NEGR1: variants seen among roughly 807,000 people sequenced by gnomAD.
The protein encoded by NEGR1 is IgLON family member 4.
NEGR1 carries 10 observed loss-of-function variants against 40.9 expected under a neutral mutation model. That is an observed-to-expected ratio of 0.24 (90% confidence interval 0.15 to 0.42). NEGR1 has a LOEUF of 0.42. Among genes scored for constraint, NEGR1 ranks in the 10% least tolerant of loss-of-function variants. The pLI is 1.00. For synonymous variants in NEGR1, 185 were observed against 166.8 expected, an observed-to-expected ratio of 1.11 and a Z score of -0.84; for missense variants, 352 against 438.9, an observed-to-expected ratio of 0.80 and a Z score of 1.77.
At chr1:72,155,748 C>A (rs1269028038) in intron 1 of NEGR1, among the ~76,000 whole-genome samples, 2 of 151,966 alleles carry the variant, frequency 1.3e-5, no homozygotes, top group African/African-American at 2.4e-5. Context: ...CTAAAATAAG[C>A]CTAGGTTTCC....
chr1:71,988,647 A>G (rs951218914), intron 1 of NEGR1, among the ~76,000 whole-genome samples: 1 of 151,648 alleles, frequency 6.6e-6, no homozygotes, highest in African/African-American at 2.4e-5. Context: ...GGAAGGAGGG[A>G]AAAAAACTGA....
At chr1:72,185,403 A>T (rs1451703613) in intron 1 of NEGR1, among the ~76,000 whole-genome samples, 2 of 151,920 alleles carry the variant, frequency 1.3e-5, no homozygotes, top group Non-Finnish European at 2.9e-5. Context: ...CTCTCCAAAC[A>T]ATCCATTAAA....
chr1:72,046,150 C>T (rs577055949), intron 1 of NEGR1, among the ~76,000 whole-genome samples: 33 of 151,668 alleles, frequency 2.2e-4, no homozygotes, highest in South Asian at 4.1e-4. Context: ...TTCATTTGTA[C>T]ATAGTCTTAG....
intron 6 of NEGR1, among the ~76,000 whole-genome samples, chr1:71,451,104 C>T (rs1646624566): frequency 1.3e-5 from 2 of 152,178 alleles, no homozygotes; most frequent in African/African-American, 4.8e-5. Context: ...ACCAGTGGGA[C>T]ATTTGGAAGA....
intron 1 of NEGR1, among the ~76,000 whole-genome samples, chr1:72,177,691 T>C (rs1652226001): frequency 6.6e-6 from 1 of 151,996 alleles, no homozygotes; most frequent in African/African-American, 2.4e-5. Flanking sequence ...GAATACATCT[T>C]TTTGTTACTA....
At chr1:71,920,661 C>T (rs533249317) in intron 2 of NEGR1, among the ~76,000 whole-genome samples, 14 of 152,160 alleles carry the variant, frequency 9.2e-5, no homozygotes, top group Admixed American at 3.3e-4. Flanking sequence ...ATGCTTAGCA[C>T]GAAGCAAATG....
chr1:71,951,373 C>G (rs527582087), intron 1 of NEGR1, among the ~76,000 whole-genome samples: 1 of 151,830 alleles, frequency 6.6e-6, no homozygotes, highest in African/African-American at 2.4e-5. Context: ...ACAGGCAAAT[C>G]ATAACTATTA....
At chr1:72,013,720 T>C (rs2100406592) in intron 1 of NEGR1, among the ~76,000 whole-genome samples, 1 of 152,006 alleles carries the variant, frequency 6.6e-6, no homozygotes, top group Non-Finnish European at 1.5e-5. Context: ...AATACCAATT[T>C]TGATGTAGTT....
At chr1:71,776,383 A>C in intron 2 of NEGR1, 86 bp from the exon 3 acceptor site, 1 of 797,294 alleles carries the variant, frequency 1.3e-6, no homozygotes, top group Non-Finnish European at 1.9e-6. Flanking sequence ...ATATCATGCA[A>C]GAAAGGTATG....
chr1:71,776,963 T>A (rs1017753012), intron 2 of NEGR1, among the ~76,000 whole-genome samples: 5 of 152,148 alleles, frequency 3.3e-5, no homozygotes, highest in African/African-American at 1.2e-4. Context: ...TCATCCTTTG[T>A]TATGCCCTTT....
intron 6 of NEGR1, among the ~76,000 whole-genome samples, chr1:71,450,934 T>A (rs766675333): frequency 6.6e-6 from 1 of 152,164 alleles, no homozygotes; most frequent in Non-Finnish European, 1.5e-5. Flanking sequence ...TACACATTTT[T>A]AAAAAAAGTG....
chr1:72,243,798 GTGCC>G (rs1421007081), intron 1 of NEGR1, among the ~76,000 whole-genome samples: 1 of 151,662 alleles, frequency 6.6e-6, no homozygotes, highest in African/African-American at 2.4e-5. Flanking sequence ...ATTACCTATA[GTGCC>G]TGTTTTATGA....
chr1:71,445,583 T>G (rs1056313156), intron 6 of NEGR1, among the ~76,000 whole-genome samples: 15 of 152,164 alleles, frequency 9.9e-5, no homozygotes, highest in South Asian at 2.1e-4. Context: ...GTCTCCTAAC[T>G]CTAATAAAAT....
At chr1:72,266,761 AC>A (rs1244642764) in intron 1 of NEGR1, among the ~76,000 whole-genome samples, 3 of 149,154 alleles carry the variant, frequency 2.0e-5, no homozygotes, top group Non-Finnish European at 3.0e-5. Flanking sequence ...ACACACACAC[AC>A]ACCAATTTGG....
chr1:71,675,550 CAG>C (rs1030687965), intron 4 of NEGR1, among the ~76,000 whole-genome samples: 20 of 149,366 alleles, frequency 1.3e-4, no homozygotes, highest in African/African-American at 2.2e-4. Context: ...GAAAGACAGA[CAG>C]AGAGAGAGAG....
At chr1:71,553,688 G>A (rs1204676025) in intron 6 of NEGR1, among the ~76,000 whole-genome samples, 1 of 151,486 alleles carries the variant, frequency 6.6e-6, no homozygotes, top group Non-Finnish European at 1.5e-5. Flanking sequence ...TTTCACATCT[G>A]TTTGTGCATA....
chr1:71,632,984 GAATT>G (rs1331830756), intron 4 of NEGR1, among the ~76,000 whole-genome samples: 1 of 152,008 alleles, frequency 6.6e-6, no homozygotes, highest in East Asian at 1.9e-4. Context: ...TTGCTGTTAT[GAATT>G]AATTAATCAG....
At chr1:72,150,791 C>T (rs1197848013) in intron 1 of NEGR1, among the ~76,000 whole-genome samples, 1 of 151,828 alleles carries the variant, frequency 6.6e-6, no homozygotes, top group Non-Finnish European at 1.5e-5. Context: ...TTTTACAAAG[C>T]CAAAAAATGG....
intron 1 of NEGR1, among the ~76,000 whole-genome samples, chr1:72,235,092 A>C (rs1570156570): frequency 6.6e-6 from 1 of 152,272 alleles, no homozygotes; most frequent in East Asian, 1.9e-4. Flanking sequence ...GAAAAGTTTT[A>C]TAAAGGAGGG....
Sources: gnomAD v4.1 joint callset for allele counts (sites outside exome capture counted in the v4.1 genomes callset) on GRCh38, gnomAD v4.1.1 for gene constraint, MANE v1.5 for transcripts, NCBI Gene and HGNC (gene_info 2026-07-23, HGNC 2026-07-21) for gene names.